SGMS2: variants seen among roughly 807,000 people sequenced by gnomAD.
SGMS2 encodes sphingomyelin synthase 2.
Under a neutral mutation model 43.8 loss-of-function variants are expected in SGMS2, and 21 were observed. The ratio of observed to expected loss-of-function variants is 0.48; its 90% confidence interval spans 0.34 to 0.69. The LOEUF is 0.69. Among genes scored for constraint, SGMS2 ranks in the 30% least tolerant of loss-of-function variants. The pLI, the probability that SGMS2 is intolerant of heterozygous loss-of-function variation, is 0.01. For missense variants in SGMS2, 384 were observed against 443.2 expected (o/e 0.87, Z 1.20); for synonymous variants, 167 against 160.6 (o/e 1.04, Z -0.30).
intron 1 of SGMS2, among the ~76,000 whole-genome samples, chr4:107,832,803 G>A (rs870281): frequency 0.38 from 58,026 of 152,034 alleles, 12,288 homozygotes; most frequent in Middle Eastern, 0.49. Flanking sequence ...CAAGGCGGGT[G>A]GATAGCTTGA....
intron 1 of SGMS2, among the ~76,000 whole-genome samples, chr4:107,849,660 CTTTTTAAAGATCACAAT>C (rs112108210): frequency 7.0e-5 from 10 of 142,970 alleles, no homozygotes; most frequent in African/African-American, 3.0e-4. Flanking sequence ...TCACAATTGA[CTTTTTAAAGATCACAAT>C]ATCAGAGTCC....
intron 2 of SGMS2, chr4:107,863,730 T>G (rs1053096198): frequency 6.6e-6 from 1 of 152,324 alleles, no homozygotes; most frequent in Non-Finnish European, 1.5e-5. Flanking sequence ...TTCCTTCTGT[T>G]ATATCCCCCT....
intron 1 of SGMS2, among the ~76,000 whole-genome samples, chr4:107,846,618 G>T (rs1347999329): frequency 6.6e-6 from 1 of 151,666 alleles, no homozygotes; most frequent in African/African-American, 2.4e-5. Context: ...AGTCCTTTGG[G>T]TATATACCCA....
intron 2 of SGMS2, among the ~76,000 whole-genome samples, chr4:107,883,882 G>A (rs775363091): frequency 2.2e-4 from 33 of 152,106 alleles, no homozygotes; most frequent in Non-Finnish European, 3.7e-4. Flanking sequence ...CAAATAATTA[G>A]GCCAAGTATA....
intron 2 of SGMS2, among the ~76,000 whole-genome samples, chr4:107,882,046 T>C (rs1038268536): frequency 1.3e-5 from 2 of 152,210 alleles, no homozygotes; most frequent in Non-Finnish European, 2.9e-5. Flanking sequence ...ATCTTGCCTA[T>C]TGTGAATAAT....
chr4:107,852,058 G>A (rs1377809365), intron 1 of SGMS2, among the ~76,000 whole-genome samples: 2 of 151,358 alleles, frequency 1.3e-5, no homozygotes, highest in Admixed American at 6.6e-5. Flanking sequence ...GAAACAATGT[G>A]CTTGTCATAA....
At chr4:107,862,681 A>G (rs1298121706) in intron 2 of SGMS2, among the ~76,000 whole-genome samples, 1 of 152,206 alleles carries the variant, frequency 6.6e-6, no homozygotes, top group Non-Finnish European at 1.5e-5. Context: ...CAAGAGTGAG[A>G]AAGTGGGAAA....
Position 107,895,830 on chromosome 4 carries a change from A to G in SGMS2, c.277A>G (p.Thr93Ala), listed in dbSNP as rs1400692842. The part of the protein sequence containing the change: ...FIYAVFNLVL[T>A]TVMITVVHER... ...ATATGCAGTTTTCAACCTCGTCTTG[A>G]CAACCGTCATGATCACAGTTGTACA... Residue 93 changes from threonine to alanine, a missense_variant, in exon 3 of 7, where the codon ACA becomes GCA. Coordinates refer to ENST00000690982, the MANE Select transcript of SGMS2 (RefSeq NM_001375905.1). 1 of 1,614,004 alleles carries G rather than the reference A, an allele frequency of 6.2e-7. No individual in the cohort carries two copies. Among genetic ancestry groups the G allele is most frequent in the Non-Finnish European group, 8.5e-7 (1 of 1,179,938 alleles).
At chr4:107,850,912 C>T (rs908290129) in intron 1 of SGMS2, among the ~76,000 whole-genome samples, 6 of 152,146 alleles carry the variant, frequency 3.9e-5, no homozygotes, top group Admixed American at 2.0e-4. Flanking sequence ...AAACCTTCTA[C>T]GAGTGTACCC....
At chr4:107,903,750 A>G (rs1731328535) in intron 5 of SGMS2, among the ~76,000 whole-genome samples, 1 of 152,194 alleles carries the variant, frequency 6.6e-6, no homozygotes, top group Admixed American at 6.5e-5. Flanking sequence ...AAGGATTGGT[A>G]CATTCTAAAG....
chr4:107,858,140 T>G (rs1226850415), intron 1 of SGMS2, among the ~76,000 whole-genome samples: 1 of 152,142 alleles, frequency 6.6e-6, no homozygotes, highest in Non-Finnish European at 1.5e-5. Context: ...TGACATTGAC[T>G]GGTCTTCTTG....
In SGMS2 at chr4:107,851,186, G is replaced by A. The variant is rs111650790; in HGVS notation, c.-326-7286G>A. ...TGGAAGGAATATTGGAAGCCTGCAG[G>A]GTGTGGAAGTCTACGGTGCATGCCA... On this transcript the variant is annotated intron_variant, in intron 1 of 6. Coordinates refer to ENST00000690982, the MANE Select transcript of SGMS2 (RefSeq NM_001375905.1). Among the ~76,000 whole-genome samples, 164 of 152,254 alleles carry A rather than the reference G, an allele frequency of 1.1e-3. 1 individual carries two copies. The highest frequency in any genetic ancestry group is 1.7e-3 in the Non-Finnish European group (116 of 68,018).
chr4:107,855,169 G>A (rs185491199), intron 1 of SGMS2, among the ~76,000 whole-genome samples: 1 of 152,102 alleles, frequency 6.6e-6, no homozygotes, highest in East Asian at 1.9e-4. Context: ...GTCTTTATTA[G>A]TATTAACTCC....
intron 2 of SGMS2, among the ~76,000 whole-genome samples, chr4:107,881,207 C>T (rs901636535): frequency 4.0e-5 from 6 of 151,862 alleles, no homozygotes; most frequent in African/African-American, 1.5e-4. Flanking sequence ...ATGCAATATA[C>T]CAGATAACAA....
intron 2 of SGMS2, chr4:107,867,146 ACT>A (rs1728189659): frequency 6.6e-6 from 1 of 151,986 alleles, no homozygotes; most frequent in Non-Finnish European, 1.5e-5. Flanking sequence ...CCTCCCCAAG[ACT>A]CTCTGTACTG....
intron 5 of SGMS2, among the ~76,000 whole-genome samples, chr4:107,904,763 T>G (rs1324082976): frequency 6.6e-6 from 1 of 152,168 alleles, no homozygotes; most frequent in Non-Finnish European, 1.5e-5. Context: ...ATTTAGTCAC[T>G]CCATTTCTAA....
rs1207554825 is a variant in SGMS2 at position 107,911,736 on chromosome 4, T to C, written c.*1183T>C. 6.6e-6 allele frequency: 1 copy of C among 152,160 alleles called. No individual in the cohort carries two copies. The highest frequency in any genetic ancestry group is 1.5e-5 in the Non-Finnish European group (1 of 68,030). 9.4% of individuals were successfully genotyped at this position (152,160 alleles called of 1,614,324 possible). A position where few individuals can be genotyped will look rare whatever the true frequency, so the allele number is the denominator to read the frequency against. ...CACTATAATATACTCTCGGAATCAG[T>C]GTGTTAGTTACAGCTATACAGTGAA... On this transcript the variant is annotated 3_prime_UTR_variant, in exon 7 of 7. Coordinates refer to ENST00000690982, the MANE Select transcript of SGMS2 (RefSeq NM_001375905.1).
At chr4:107,906,596 A>G (rs995217802) in intron 5 of SGMS2, among the ~76,000 whole-genome samples, 1 of 152,254 alleles carries the variant, frequency 6.6e-6, no homozygotes, top group Non-Finnish European at 1.5e-5. Context: ...GAATGAGAAG[A>G]GGATTACCAT....
rs545308375 is a variant in SGMS2 at position 107,910,297 on chromosome 4, G to C, written c.895-53G>C. ...AATGACAATTTAAGAAAATAATTGGGATGCAAATTGAGAAAGATATGTCTC... is the reference window on the plus strand; with the variant it reads ...AATGACAATTTAAGAAAATAATTGGCATGCAAATTGAGAAAGATATGTCTC... On this transcript the variant is annotated intron_variant, in intron 6 of 6. Transcript: ENST00000690982. The C allele has an allele frequency of 6.3e-6, 9 of 1,423,572 alleles. No homozygotes were observed. The East Asian group carries it at 1.8e-4, about 29-fold the overall frequency. 88.2% of individuals were successfully genotyped at this position (1,423,572 alleles called of 1,614,324 possible). A position where few individuals can be genotyped will look rare whatever the true frequency, so the allele number is the denominator to read the frequency against.
Sources: gnomAD v4.1 joint callset for allele counts (sites outside exome capture counted in the v4.1 genomes callset) on GRCh38, gnomAD v4.1.1 for gene constraint, MANE v1.5 for transcripts, NCBI Gene and HGNC (gene_info 2026-07-23, HGNC 2026-07-21) for gene names.